Variants in TMPRSS4 observed in about 807,000 individuals in gnomAD.
TMPRSS4 encodes the protein transmembrane protease serine 4.
TMPRSS4 carries 45 observed loss-of-function variants against 56.4 expected under a neutral mutation model. That is an observed-to-expected ratio of 0.80 (90% confidence interval 0.63 to 1.02). The LOEUF (loss-of-function observed/expected upper bound fraction) is 1.02, where lower values mean the gene tolerates loss of function less well. TMPRSS4 is among the 50% of genes least tolerant of loss of function. The pLI is 0.00. For missense variants in TMPRSS4, 546 were observed against 556.7 expected (o/e 0.98, Z 0.19); for synonymous variants, 205 against 211.0 (o/e 0.97, Z 0.25).
intron 12 of TMPRSS4, 182 bp from the exon 13 acceptor site, chr11:118,117,720 C>G (rs1482770226): frequency 3.0e-6 from 3 of 985,414 alleles, no homozygotes; most frequent in Non-Finnish European, 3.6e-6. Flanking sequence ...CTATCAGATC[C>G]TTTCTAGAGA....
chr11:118,107,561 C>A, intron 5 of TMPRSS4: 1 of 452,934 alleles, frequency 2.2e-6, no homozygotes, highest in Admixed American at 3.5e-5. Flanking sequence ...CAGCAATGCA[C>A]TGAGGGTTGA....
At chr11:118,104,959 C>T in intron 5 of TMPRSS4, 139 bp downstream of exon 5, 1 of 940,920 alleles carries the variant, frequency 1.1e-6, no homozygotes, top group Non-Finnish European at 1.5e-6. Flanking sequence ...CCCAGCATTT[C>T]ACTTATAAGC....
intron 9 of TMPRSS4, among the ~76,000 whole-genome samples, chr11:118,114,244 A>G (rs1947427909): frequency 6.6e-6 from 1 of 152,184 alleles, no homozygotes; most frequent in African/African-American, 2.4e-5. Context: ...GTGTGTTTCA[A>G]GATTTGTGCC....
chr11:118,097,041 A>AAG (rs1555084994), intron 2 of TMPRSS4, among the ~76,000 whole-genome samples: 1 of 77,844 alleles, frequency 1.3e-5, no homozygotes, highest in Non-Finnish European at 2.4e-5. Flanking sequence ...AGAAAAGGAA[A>AAG]GAAAGGAAAG....
intron 7 of TMPRSS4, 98 bp from the exon 8 acceptor site, chr11:118,111,643 A>T (rs1176730191): frequency 2.1e-6 from 2 of 955,082 alleles, no homozygotes; most frequent in Non-Finnish European, 3.0e-6. Flanking sequence ...CCCAGCCATA[A>T]GGGCCCTGCT....
chr11:118,100,238 G>C (rs1946667578), intron 3 of TMPRSS4, among the ~76,000 whole-genome samples: 1 of 152,220 alleles, frequency 6.6e-6, no homozygotes. Flanking sequence ...TAAAAACCAA[G>C]TTTTGCAAAA....
chr11:118,079,318 T>C (rs1944948151), intron 1 of TMPRSS4, among the ~76,000 whole-genome samples: 1 of 152,116 alleles, frequency 6.6e-6, no homozygotes, highest in East Asian at 1.9e-4. Context: ...TTCCATTCCC[T>C]ACCTCCTTCC....
intron 5 of TMPRSS4, chr11:118,107,553 G>A (rs762969322): frequency 3.8e-5 from 16 of 425,958 alleles, no homozygotes; most frequent in Non-Finnish European, 6.3e-5. Context: ...AGTTACATCA[G>A]CAATGCACTG....
chr11:118,092,830 T>A (rs1946054014), intron 1 of TMPRSS4, among the ~76,000 whole-genome samples: 1 of 152,206 alleles, frequency 6.6e-6, no homozygotes, highest in African/African-American at 2.4e-5. Flanking sequence ...GTCTCAGTCA[T>A]CATTTTGCCA....
chr11:118,103,222 C>G lies in TMPRSS4; in HGVS notation c.279C>G (p.Val93=). The part of the protein sequence containing the change: ...CPLGEDEEHC[V]KSFPEGPAVA... ...TGGGGGAGGACGAGGAGCACTGTGT[C>G]AAGAGCTTCCCCGAAGGGCCTGCAG... is the stretch of plus-strand genomic sequence containing the variant. Residue 93 remains valine, a synonymous_variant, in exon 4 of 13, where the codon GTC becomes GTG. Transcript: ENST00000437212. 6.2e-7 allele frequency: 1 copy of G among 1,614,080 alleles called. No homozygotes were observed. Among genetic ancestry groups the G allele is most frequent in the Non-Finnish European group, 8.5e-7 (1 of 1,180,002 alleles).
At position 118,096,907 on chromosome 11, in the gene TMPRSS4, GAA is replaced by G. The variant is rs1279862069; in HGVS notation, c.43+2054_43+2055del. Among the ~76,000 whole-genome samples, 419 of 43,258 alleles carry G rather than the reference GAA, an allele frequency of 9.7e-3. 42 individuals carry two copies. Among genetic ancestry groups the G allele is most frequent in the African/African-American group, 0.029 (279 of 9,734 alleles). The allele number at this position is 43,258 out of a possible 152,430, so 28.4% of individuals were successfully genotyped here. A position where few individuals can be genotyped will look rare whatever the true frequency, so the allele number is the denominator to read the frequency against. On this transcript the variant is annotated intron_variant, in intron 2 of 12. Transcript: ENST00000437212. ...AGAAAGAAAGAAAGAAAGAAAGAAAGAAAGGGAGAGAGAAAGGAAAGAAAGAA... is the reference window on the plus strand; with the variant it reads ...AGAAAGAAAGAAAGAAAGAAAGAAAGAGGGAGAGAGAAAGGAAAGAAAGAA...
rs1947772344 is a variant in TMPRSS4, at chr11:118,120,951, C to T, written c.*3038C>T. 6.6e-6 allele frequency: 1 copy of T among 152,156 alleles called. No individual in the cohort carries two copies. Among genetic ancestry groups the T allele is most frequent in the African/African-American group, 2.4e-5 (1 of 41,418 alleles). The allele number at this position is 152,156 out of a possible 1,614,324, so 9.4% of individuals were successfully genotyped here. ...ACCTATGTACATTATAATGAAACTG[C>T]AGAACACCAAAGACAAAAAGAAACT... On this transcript the variant is annotated 3_prime_UTR_variant, in exon 13 of 13. Coordinates refer to ENST00000437212, the MANE Select transcript of TMPRSS4 (RefSeq NM_019894.4).
Position 118,103,216 on chromosome 11 carries a change from CT to C in TMPRSS4, c.274del (p.Cys92ValfsTer109), listed in dbSNP as rs1363005199. 1 of 1,614,186 alleles carries C rather than the reference CT, an allele frequency of 6.2e-7. No individual in the cohort carries two copies. The highest frequency in any genetic ancestry group is 8.5e-7 in the Non-Finnish European group (1 of 1,180,032). On this transcript the variant is annotated frameshift_variant, in exon 4 of 13. Transcript: ENST00000437212. LOFTEE classifies it high-confidence loss of function. ...DCPLGEDEEHCVKSFPEGPAV... is the reference protein window; with the variant it reads ...DCPLGEDEEHXVKSFPEGPAV... ...GTCCCTTGGGGGAGGACGAGGAGCACTGTGTCAAGAGCTTCCCCGAAGGGCC... is the reference window on the plus strand; with the variant it reads ...GTCCCTTGGGGGAGGACGAGGAGCACGTGTCAAGAGCTTCCCCGAAGGGCC...
chr11:118,080,473 C>T (rs1945038132), intron 1 of TMPRSS4, among the ~76,000 whole-genome samples: 1 of 152,188 alleles, frequency 6.6e-6, no homozygotes, highest in African/African-American at 2.4e-5. Flanking sequence ...GCGCTTCCAG[C>T]CTGACCCTGG....
chr11:118,097,194 A>G (rs1946449949), intron 2 of TMPRSS4, among the ~76,000 whole-genome samples: 2 of 152,176 alleles, frequency 1.3e-5, no homozygotes, highest in Non-Finnish European at 2.9e-5. Flanking sequence ...TTAGCAGTGA[A>G]CAAAACAGAC....
At chr11:118,105,162 G>A (rs11216759) in intron 5 of TMPRSS4, among the ~76,000 whole-genome samples, 8,438 of 152,074 alleles carry the variant, frequency 0.055, 582 homozygotes, top group African/African-American at 0.16. Context: ...CTTTGTGCTG[G>A]CTTTGCAAGA....
chr11:118,083,376 C>T (rs771080899), intron 1 of TMPRSS4, among the ~76,000 whole-genome samples: 6 of 152,174 alleles, frequency 3.9e-5, no homozygotes, highest in South Asian at 2.1e-4. Context: ...ACAGGTCACA[C>T]GACATCACCT....
At position 118,077,092 on chromosome 11, in the gene TMPRSS4, CAG is replaced by C. The variant is rs916510723; in HGVS notation, c.-204_-203del. ...GTCCCCCAATCACTCCTGGAATACACAGAGAGAGGCAGCAGCTTGCTCAGCGG... is the reference window on the plus strand; with the variant it reads ...GTCCCCCAATCACTCCTGGAATACACAGAGAGGCAGCAGCTTGCTCAGCGG... On this transcript the variant is annotated 5_prime_UTR_variant, in exon 1 of 13. Coordinates refer to ENST00000437212, the MANE Select transcript of TMPRSS4 (RefSeq NM_019894.4). 1.3e-5 allele frequency: 7 copies of C among 549,288 alleles called. No individual in the cohort carries two copies. Among genetic ancestry groups the C allele is most frequent in the Middle Eastern group, 4.7e-4 (1 of 2,126 alleles). The allele number at this position is 549,288 out of a possible 1,614,324, so 34.0% of individuals were successfully genotyped here.
intron 1 of TMPRSS4, 68 bp downstream of exon 1, chr11:118,077,373 C>T (rs1944735770): frequency 6.7e-7 from 1 of 1,501,576 alleles, no homozygotes; most frequent in Non-Finnish European, 8.9e-7. Flanking sequence ...GCCCTTCAAG[C>T]AGCCTGAGCA....
Sources: gnomAD v4.1 joint callset for allele counts (sites outside exome capture counted in the v4.1 genomes callset) on GRCh38, gnomAD v4.1.1 for gene constraint, MANE v1.5 for transcripts, NCBI Gene and HGNC (gene_info 2026-07-23, HGNC 2026-07-21) for gene names.